The following ADCK1 variants were observed in gnomAD, a reference collection of about 807,000 sequenced individuals.
ADCK1 encodes the protein aarF domain containing kinase 1, also known as aarF domain-containing protein kinase 1.
A neutral mutation model predicts 52.3 loss-of-function variants in ADCK1; 41 were observed. The observed-to-expected ratio is 0.78, with a 90% confidence interval of 0.61 to 1.02. The LOEUF is 1.02. ADCK1 is among the 50% of genes least tolerant of loss of function. The pLI, the probability that ADCK1 is intolerant of heterozygous loss-of-function variation, is 0.00. For synonymous variants in ADCK1, 250 were observed against 274.6 expected, an observed-to-expected ratio of 0.91 and a Z score of 0.89; for missense variants, 658 against 679.5, an observed-to-expected ratio of 0.97 and a Z score of 0.35.
At chr14:77,899,288 G>A (rs2083478728) in intron 6 of ADCK1, 30 bp downstream of exon 6, 2 of 1,612,586 alleles carry the variant, frequency 1.2e-6, no homozygotes, top group East Asian at 2.2e-5. Context: ...GCAGGGTATG[G>A]TGGTCTGGTG....
rs187396828 is a variant in ADCK1 at position 77,804,538 on chromosome 14, T to C, written c.-12+4368T>C. The stretch of plus-strand genomic sequence containing the variant: ...GGTCTCAAGGGTAGGGGTGGCCTCA[T>C]TGCATACAGGGGACAGGTGTGGAGG... On this transcript the variant is annotated intron_variant, in intron 1 of 10. Coordinates refer to ENST00000238561, the MANE Select transcript of ADCK1 (RefSeq NM_020421.4). 2.9e-3 allele frequency among the ~76,000 whole-genome samples: 437 copies of C among 152,090 alleles called. 2 individuals are homozygous for C. The highest frequency in any genetic ancestry group is 0.01 in the African/African-American group (417 of 41,504).
intron 3 of ADCK1, among the ~76,000 whole-genome samples, chr14:77,850,327 G>A (rs1566664463): frequency 1.3e-5 from 2 of 152,196 alleles, no homozygotes; most frequent in Non-Finnish European, 2.9e-5. Flanking sequence ...TTGGTTGATA[G>A]TGTTCAAGTC....
At chr14:77,852,368 A>G (rs896774127) in intron 3 of ADCK1, among the ~76,000 whole-genome samples, 1 of 151,938 alleles carries the variant, frequency 6.6e-6, no homozygotes, top group African/African-American at 2.4e-5. Flanking sequence ...AAGAACTTTT[A>G]TACCTTTATT....
At chr14:77,926,583 C>T (rs1374156710) in intron 9 of ADCK1, among the ~76,000 whole-genome samples, 4 of 152,204 alleles carry the variant, frequency 2.6e-5, no homozygotes, top group South Asian at 2.1e-4. Flanking sequence ...GGGGTTCAAG[C>T]GATTCTCCTG....
intron 3 of ADCK1, among the ~76,000 whole-genome samples, chr14:77,852,665 ATATATATATATATATATAT>A (rs2082314328): frequency 2.3e-4 from 20 of 88,868 alleles, no homozygotes; most frequent in South Asian, 7.4e-4. Context: ...AAATAAATAT[ATATATATATATATATATAT>A]ATATATATAT....
At chr14:77,931,352 G>A (rs1317451073) in intron 9 of ADCK1, among the ~76,000 whole-genome samples, 166 bp from the exon 10 acceptor site, 2 of 152,186 alleles carry the variant, frequency 1.3e-5, no homozygotes, top group Non-Finnish European at 2.9e-5. Flanking sequence ...CCTTGTGCTA[G>A]ACTTCTCTAT....
chr14:77,864,336 C>T (rs571590408), intron 4 of ADCK1, among the ~76,000 whole-genome samples: 88 of 152,296 alleles, frequency 5.8e-4, no homozygotes, highest in African/African-American at 2.1e-3. Context: ...GAAGCCTTTC[C>T]TCCAAGAATA....
chr14:77,882,003 C>A (rs1339492295), intron 4 of ADCK1, among the ~76,000 whole-genome samples: 1 of 152,096 alleles, frequency 6.6e-6, no homozygotes, highest in Admixed American at 6.5e-5. Flanking sequence ...GGGGCAGGTC[C>A]CTGGGAAGTG....
chr14:77,852,731 G>A (rs10131632), intron 3 of ADCK1, among the ~76,000 whole-genome samples: 26,974 of 119,244 alleles, frequency 0.23, 3,360 homozygotes, highest in Middle Eastern at 0.34. Context: ...TCTCCTTTGG[G>A]GACTTCAACT....
At chr14:77,847,462 C>A (rs2082194605) in intron 3 of ADCK1, among the ~76,000 whole-genome samples, 1 of 152,174 alleles carries the variant, frequency 6.6e-6, no homozygotes, top group Non-Finnish European at 1.5e-5. Flanking sequence ...CCCAGCTACA[C>A]AGAAGACTGA....
intron 6 of ADCK1, among the ~76,000 whole-genome samples, chr14:77,904,825 T>C (rs941878521): frequency 6.6e-6 from 1 of 151,988 alleles, no homozygotes; most frequent in African/African-American, 2.4e-5. Flanking sequence ...AGTTTCAGCT[T>C]GCTTTGTTTG....
At chr14:77,824,414 T>C (rs558131843) in intron 3 of ADCK1, among the ~76,000 whole-genome samples, 202 of 151,308 alleles carry the variant, frequency 1.3e-3, no homozygotes, top group African/African-American at 4.5e-3. Flanking sequence ...AAATGTCTTT[T>C]CCTTTCTTTC....
At chr14:77,802,870 C>T (rs2081141354) in intron 1 of ADCK1, among the ~76,000 whole-genome samples, 1 of 152,060 alleles carries the variant, frequency 6.6e-6, no homozygotes, top group African/African-American at 2.4e-5. Flanking sequence ...AGGAGAATGG[C>T]TGGAACCCGG....
At chr14:77,891,529 A>G (rs2083283403) in intron 5 of ADCK1, among the ~76,000 whole-genome samples, 1 of 152,230 alleles carries the variant, frequency 6.6e-6, no homozygotes. Flanking sequence ...TCAGAGCAAT[A>G]ATAGCAGTAA....
At chr14:77,883,822 C>A (rs1201981774) in intron 4 of ADCK1, among the ~76,000 whole-genome samples, 1 of 152,146 alleles carries the variant, frequency 6.6e-6, no homozygotes, top group Non-Finnish European at 1.5e-5. Context: ...GTCCTCACAG[C>A]TGGCTCTTGT....
At chr14:77,812,789 CATG>C (rs1473907304) in intron 1 of ADCK1, among the ~76,000 whole-genome samples, 1 of 151,652 alleles carries the variant, frequency 6.6e-6, no homozygotes, top group Non-Finnish European at 1.5e-5. Context: ...AGGGTTTTGC[CATG>C]TTGGCCAGGC....
At chr14:77,878,672 T>C (rs1340091762) in intron 4 of ADCK1, among the ~76,000 whole-genome samples, 5 of 152,216 alleles carry the variant, frequency 3.3e-5, no homozygotes, top group Non-Finnish European at 7.3e-5. Context: ...TGGCTCTGGG[T>C]GTCTCTGGCT....
rs777470419 is a variant in ADCK1 at position 77,887,180 on chromosome 14, G to T, written c.513G>T (p.Arg171=). 7 of 1,610,728 alleles carry T rather than the reference G, an allele frequency of 4.3e-6. No individual in the cohort carries two copies. In the Admixed American group the frequency reaches 1.2e-4, roughly 27 times the overall value. ...QVHKAVLHDG[R]TVAVKVQHPK... Reference sequence around the variant, plus strand: ...ACAAGGCAGTGCTGCATGATGGGCGGACGGTGGCCGTGAAGGTCCAGCACC... The same window carrying T: ...ACAAGGCAGTGCTGCATGATGGGCGTACGGTGGCCGTGAAGGTCCAGCACC... Residue 171 remains arginine, a synonymous_variant, in exon 5 of 11, where the codon CGG becomes CGT. Coordinates refer to ENST00000238561, the MANE Select transcript of ADCK1 (RefSeq NM_020421.4).
At chr14:77,801,347 C>T (rs2081105820) in intron 1 of ADCK1, among the ~76,000 whole-genome samples, 1 of 152,202 alleles carries the variant, frequency 6.6e-6, no homozygotes, top group African/African-American at 2.4e-5. Flanking sequence ...TCTCTTCACA[C>T]CTGGTTACGG....
Sources: gnomAD v4.1 joint callset for allele counts (sites outside exome capture counted in the v4.1 genomes callset) on GRCh38, gnomAD v4.1.1 for gene constraint, MANE v1.5 for transcripts, NCBI Gene and HGNC (gene_info 2026-07-23, HGNC 2026-07-21) for gene names.